The following ANKS1B variants were observed in gnomAD, a reference collection of about 807,000 sequenced individuals.
ANKS1B encodes the protein ankyrin repeat and sterile alpha motif domain-containing protein 1B.
In ANKS1B, 36 loss-of-function variants were observed where a neutral mutation model predicts 148.3. The ratio of observed to expected loss-of-function variants is 0.24; its 90% CI spans 0.19 to 0.32. The LOEUF (loss-of-function observed/expected upper bound fraction) is 0.32. ANKS1B is among the 10% of genes least tolerant of loss of function. The pLI is 1.00. For missense variants in ANKS1B, 1,157 were observed against 1,542.6 expected (o/e 0.75, Z 4.19); for synonymous variants, 542 against 560.8 (o/e 0.97, Z 0.47).
chr12:98,865,508 C>T (rs1181512610), intron 17 of ANKS1B, among the ~76,000 whole-genome samples: 1 of 152,144 alleles, frequency 6.6e-6, no homozygotes, highest in Non-Finnish European at 1.5e-5. Flanking sequence ...AACACTCCTG[C>T]CCTCATGGAG....
intron 12 of ANKS1B, among the ~76,000 whole-genome samples, chr12:99,319,269 G>C (rs551044294): frequency 4.6e-5 from 7 of 152,126 alleles, no homozygotes; most frequent in African/African-American, 1.7e-4. Flanking sequence ...TGTTGACAGT[G>C]GGGGGTTGTC....
chr12:99,785,180 A>G (rs1034771755), intron 4 of ANKS1B, among the ~76,000 whole-genome samples: 1 of 151,350 alleles, frequency 6.6e-6, no homozygotes, highest in Non-Finnish European at 1.5e-5. Context: ...TTTGAGCTAC[A>G]CGAATGTTAG....
intron 12 of ANKS1B, among the ~76,000 whole-genome samples, chr12:99,307,878 C>A (rs1452175719): frequency 6.6e-6 from 1 of 152,082 alleles, no homozygotes; most frequent in African/African-American, 2.4e-5. Context: ...GGAGGTCACA[C>A]AGCCAATTTG....
intron 9 of ANKS1B, among the ~76,000 whole-genome samples, chr12:99,572,880 T>C (rs1314467604): frequency 6.6e-6 from 1 of 152,094 alleles, no homozygotes; most frequent in East Asian, 1.9e-4. Context: ...ACAAGATACA[T>C]ATAATATGTA....
chr12:99,471,429 T>C (rs564410650), intron 10 of ANKS1B, among the ~76,000 whole-genome samples: 1 of 152,236 alleles, frequency 6.6e-6, no homozygotes, highest in South Asian at 2.1e-4. Context: ...TCTTGATGAA[T>C]GTGTTATAAG....
chr12:99,454,223 A>G (rs570394186), intron 10 of ANKS1B, among the ~76,000 whole-genome samples: 2 of 152,370 alleles, frequency 1.3e-5, no homozygotes, highest in African/African-American at 4.8e-5. Flanking sequence ...TTGCCTTTGT[A>G]AAAGATTAAA....
intron 17 of ANKS1B, among the ~76,000 whole-genome samples, chr12:98,848,305 T>C (rs1008327753): frequency 2.0e-5 from 3 of 152,158 alleles, no homozygotes; most frequent in Non-Finnish European, 4.4e-5. Context: ...AATAACAACA[T>C]ACAATAAAAA....
At chr12:99,210,938 T>G (rs1364612201) in intron 14 of ANKS1B, among the ~76,000 whole-genome samples, 1 of 152,212 alleles carries the variant, frequency 6.6e-6, no homozygotes, top group Non-Finnish European at 1.5e-5. Flanking sequence ...TCTCTCAAAC[T>G]TCAAATGGTC....
chr12:99,847,525 G>A (rs951155454), intron 1 of ANKS1B, among the ~76,000 whole-genome samples: 29 of 152,136 alleles, frequency 1.9e-4, no homozygotes, highest in African/African-American at 6.8e-4. Context: ...GCCTCACAGA[G>A]AGGTCAAGAA....
intron 17 of ANKS1B, among the ~76,000 whole-genome samples, chr12:99,002,531 A>G (rs116897989): frequency 2.7e-5 from 4 of 150,350 alleles, no homozygotes; most frequent in Non-Finnish European, 4.4e-5. Flanking sequence ...TTTGATAGCC[A>G]TCCTAATAGA....
intron 9 of ANKS1B, among the ~76,000 whole-genome samples, chr12:99,612,862 T>C (rs763585680): frequency 2.6e-5 from 4 of 152,038 alleles, no homozygotes; most frequent in Non-Finnish European, 4.4e-5. Context: ...CTATGGGTAG[T>C]AAAGCATACA....
chr12:99,040,984 T>A (rs1489856363), intron 17 of ANKS1B, among the ~76,000 whole-genome samples: 1 of 152,280 alleles, frequency 6.6e-6, no homozygotes, highest in South Asian at 2.1e-4. Flanking sequence ...AGCAAGAGAA[T>A]GCGAATAATA....
Position 98,827,945 on chromosome 12 carries a change from A to G in ANKS1B, c.3066+1229T>C, listed in dbSNP as rs145140172. 2.2e-4 allele frequency among the ~76,000 whole-genome samples: 34 copies of G among 152,316 alleles called. 2 individuals carry two copies. The East Asian group carries it at 5.8e-3, about 26-fold the overall frequency. On this transcript the variant is annotated intron_variant, in intron 19 of 26. Coordinates refer to ENST00000683438, the MANE Select transcript of ANKS1B (RefSeq NM_001352186.2). The stretch of plus-strand genomic sequence containing the variant: ...AATATAACAAGTAACGAAATAAATG[A>G]AAAGTTTGGGGGGAAAAAGCTTTCA...
At chr12:99,954,980 C>CT (rs1321569771) in intron 1 of ANKS1B, among the ~76,000 whole-genome samples, 1 of 152,210 alleles carries the variant, frequency 6.6e-6, no homozygotes, top group Non-Finnish European at 1.5e-5. Flanking sequence ...TTCCCAGGCC[C>CT]TTTGTCTGCC....
intron 14 of ANKS1B, among the ~76,000 whole-genome samples, chr12:99,181,626 A>G (rs1045673070): frequency 1.3e-5 from 2 of 152,126 alleles, no homozygotes; most frequent in Non-Finnish European, 2.9e-5. Context: ...ACATTTTTTC[A>G]AGAGAAAGTT....
intron 9 of ANKS1B, among the ~76,000 whole-genome samples, chr12:99,510,393 C>T (rs1185406901): frequency 6.6e-6 from 1 of 151,916 alleles, no homozygotes; most frequent in Non-Finnish European, 1.5e-5. Context: ...TGTGATTCAT[C>T]AGATGAAGTC....
chr12:99,453,693 G>A (rs1042074787), intron 10 of ANKS1B, among the ~76,000 whole-genome samples: 1 of 152,054 alleles, frequency 6.6e-6, no homozygotes, highest in Non-Finnish European at 1.5e-5. Context: ...TGTTATTTTC[G>A]GCCACAAATA....
chr12:98,894,994 G>A, intron 17 of ANKS1B: 10 of 710,490 alleles, frequency 1.4e-5, no homozygotes, highest in Non-Finnish European at 1.7e-5. Context: ...TGGCGGCAGC[G>A]GCGGCGGCGG....
chr12:99,515,168 C>T (rs188114992), intron 9 of ANKS1B, among the ~76,000 whole-genome samples: 91 of 147,448 alleles, frequency 6.2e-4, no homozygotes, highest in African/African-American at 2.3e-3. Context: ...CCTTGTGTTA[C>T]GTAAGTCCAA....
Sources: allele counts gnomAD v4.1 joint callset (sites outside exome capture counted in the v4.1 genomes callset), GRCh38; gene constraint gnomAD v4.1.1; transcripts MANE v1.5; gene names NCBI Gene and HGNC (gene_info 2026-07-23, HGNC 2026-07-21).